Variants in MPP2 observed in about 807,000 individuals in gnomAD.
MPP2 encodes MAGUK p55 subfamily member 2.
MPP2 carries 42 observed loss-of-function variants against 58.5 expected under a neutral mutation model. The ratio of observed to expected loss-of-function variants is 0.72; its 90% CI spans 0.56 to 0.93. The LOEUF (loss-of-function observed/expected upper bound fraction) is 0.93, where lower values mean the gene tolerates loss of function less well. Among genes scored for constraint, MPP2 ranks in the 40% least tolerant of loss-of-function variants. The pLI is 0.00. For missense variants in MPP2, 632 were observed against 760.4 expected (o/e 0.83, Z 1.99); for synonymous variants, 300 against 307.8 (o/e 0.97, Z 0.26).
chr17:43,886,423 T>G (rs944355438), intron 3 of MPP2, among the ~76,000 whole-genome samples: 1 of 152,118 alleles, frequency 6.6e-6, no homozygotes, highest in African/African-American at 2.4e-5. Context: ...CTTATTATTT[T>G]AATTACTGCA....
At chr17:43,887,894 A>C (rs373572889) in intron 3 of MPP2, among the ~76,000 whole-genome samples, 57 of 152,312 alleles carry the variant, frequency 3.7e-4, no homozygotes, top group African/African-American at 1.3e-3. Flanking sequence ...ATACACAATG[A>C]AACACTTGCA....
intron 6 of MPP2, 22 bp from the exon 7 acceptor site, chr17:43,881,611 G>A (rs958460876): frequency 6.2e-7 from 1 of 1,611,180 alleles, no homozygotes; most frequent in African/African-American, 1.3e-5. Flanking sequence ...AATCAGCAAA[G>A]GGTCGGGGGA....
intron 1 of MPP2, 116 bp downstream of exon 1, chr17:43,907,344 GGAACGGGCCTGGGT>G (rs1567909829): frequency 1.0e-6 from 1 of 985,594 alleles, no homozygotes; most frequent in Admixed American, 6.1e-5. Context: ...GGACAGGGAG[GGAACGGGCCTGGGT>G]GAAAGGGGCC....
chr17:43,883,829 G>A (rs369938936), intron 3 of MPP2, among the ~76,000 whole-genome samples: 4 of 152,128 alleles, frequency 2.6e-5, no homozygotes, highest in South Asian at 2.1e-4. Flanking sequence ...TGTTCCCAGC[G>A]AATGAGGGGA....
At chr17:43,907,943 T>A (rs1303667100), upstream of MPP2, 2 of 985,170 alleles carry the variant, frequency 2.0e-6, no homozygotes, top group African/African-American at 3.5e-5. Flanking sequence ...AGAAAAAGAA[T>A]AGGAGGACTT....
In MPP2 at chr17:43,877,729, G is replaced by C. The variant is rs2046906390; in HGVS notation, c.*78C>G. The C allele has an allele frequency of 7.9e-7, 1 of 1,258,008 alleles. No individual in the cohort carries two copies. The highest frequency in any genetic ancestry group is 1.1e-6 in the Non-Finnish European group (1 of 878,924). The allele number at this position is 1,258,008 out of a possible 1,614,324, so 77.9% of individuals were successfully genotyped here. A position where few individuals can be genotyped will look rare whatever the true frequency, so the allele number is the denominator to read the frequency against. On this transcript the variant is annotated 3_prime_UTR_variant, in exon 13 of 13. Transcript: ENST00000269095. ...ATATGGGGGCTAAGGATTGTGGCAG[G>C]GGGTCACAGGTCAGGAGGGGGATGG...
At chr17:43,884,235 T>A (rs1007135036) in intron 3 of MPP2, 15 of 638,544 alleles carry the variant, frequency 2.3e-5, no homozygotes, top group Non-Finnish European at 3.6e-5. Context: ...GTCCCAAAAG[T>A]ATCCTTTATA....
intron 3 of MPP2, among the ~76,000 whole-genome samples, chr17:43,884,773 G>T (rs1345540353): frequency 2.1e-5 from 3 of 144,752 alleles, no homozygotes; most frequent in African/African-American, 7.8e-5. Flanking sequence ...TTGCAAAATA[G>T]TGATTACCTA....
At chr17:43,893,272 C>A (rs976296646) in intron 3 of MPP2, among the ~76,000 whole-genome samples, 1 of 152,178 alleles carries the variant, frequency 6.6e-6, no homozygotes, top group Non-Finnish European at 1.5e-5. Flanking sequence ...CTCATAAACC[C>A]AACTCTGAAA....
intron 2 of MPP2, chr17:43,900,509 G>T (rs149791694): frequency 6.5e-7 from 1 of 1,549,446 alleles, no homozygotes; most frequent in East Asian, 2.4e-5. Flanking sequence ...AGACTCCAGG[G>T]ATATACCCTC....
intron 3 of MPP2, among the ~76,000 whole-genome samples, chr17:43,885,090 C>A (rs1405866228): frequency 1.3e-5 from 2 of 150,294 alleles, no homozygotes; most frequent in Non-Finnish European, 3.0e-5. Flanking sequence ...CCATTGCACT[C>A]CAGCCTGGGC....
chr17:43,898,875 G>A (rs1457333020), intron 2 of MPP2, among the ~76,000 whole-genome samples: 6 of 152,024 alleles, frequency 3.9e-5, no homozygotes, highest in African/African-American at 1.2e-4. Flanking sequence ...TGAGGCAGGA[G>A]AACTGCTTGA....
In MPP2 at chr17:43,875,489, T is replaced by C. The variant is rs947125520; in HGVS notation, c.*2318A>G. On this transcript the variant is annotated 3_prime_UTR_variant, in exon 13 of 13. Coordinates refer to ENST00000269095, the MANE Select transcript of MPP2 (RefSeq NM_005374.5). ...GGGACTGAATATGGACAGTGGATGGTAGGGTCCTCACTCTCTTGAGGTCCC... is the reference window on the plus strand; with the variant it reads ...GGGACTGAATATGGACAGTGGATGGCAGGGTCCTCACTCTCTTGAGGTCCC... 3 of 152,234 alleles carry C rather than the reference T, an allele frequency of 2.0e-5. No individual in the cohort carries two copies. Among genetic ancestry groups the C allele is most frequent in the African/African-American group, 7.2e-5 (3 of 41,438 alleles). 9.4% of individuals were successfully genotyped at this position (152,234 alleles called of 1,614,324 possible).
Position 43,907,491 on chromosome 17 carries a change from C to T in MPP2, c.-51G>A, listed in dbSNP as rs1454157775. On this transcript the variant is annotated 5_prime_UTR_variant, in exon 1 of 13. Transcript: ENST00000269095. ...ACGCCTACCTGCGCCCCGGGAAGCCCCTAGCTCCGGGCGGCTCCAGCGCAG... is the reference window on the plus strand; with the variant it reads ...ACGCCTACCTGCGCCCCGGGAAGCCTCTAGCTCCGGGCGGCTCCAGCGCAG... 1.0e-6 allele frequency: 1 copy of T among 985,406 alleles called. No individual in the cohort carries two copies. Among genetic ancestry groups the T allele is most frequent in the Non-Finnish European group, 1.2e-6 (1 of 829,986 alleles). The allele number at this position is 985,406 out of a possible 1,614,324, so 61.0% of individuals were successfully genotyped here. A position where few individuals can be genotyped will look rare whatever the true frequency, so the allele number is the denominator to read the frequency against.
upstream of MPP2, among the ~76,000 whole-genome samples, chr17:43,909,191 C>T (rs1290892474): frequency 6.6e-6 from 1 of 152,060 alleles, no homozygotes; most frequent in Non-Finnish European, 1.5e-5. Flanking sequence ...CTCAGCTTCC[C>T]GAGTAGCTGG....
At chr17:43,897,313 C>T (rs1332125217) in intron 3 of MPP2, among the ~76,000 whole-genome samples, 1 of 152,178 alleles carries the variant, frequency 6.6e-6, no homozygotes, top group African/African-American at 2.4e-5. Context: ...GAAACCCCAT[C>T]TCTACTAAAA....
intron 3 of MPP2, among the ~76,000 whole-genome samples, chr17:43,892,724 A>G (rs770479493): frequency 6.6e-6 from 1 of 152,168 alleles, no homozygotes; most frequent in Non-Finnish European, 1.5e-5. Flanking sequence ...CCGGAACCAT[A>G]CCAGGAATTT....
upstream of MPP2, chr17:43,907,635 G>A: frequency 1.0e-6 from 1 of 985,652 alleles, no homozygotes; most frequent in African/African-American, 1.7e-5. Context: ...GCGGAGGCCG[G>A]CACAACTCGG....
intron 2 of MPP2, 37 bp from the exon 3 acceptor site, chr17:43,898,417 C>G (rs761857055): frequency 4.1e-6 from 6 of 1,478,434 alleles, no homozygotes; most frequent in Non-Finnish European, 5.7e-6. Context: ...ACACAGGTAC[C>G]AGCTGGGTAC....
Sources: gnomAD v4.1 joint callset for allele counts (sites outside exome capture counted in the v4.1 genomes callset) on GRCh38, gnomAD v4.1.1 for gene constraint, MANE v1.5 for transcripts, NCBI Gene and HGNC (gene_info 2026-07-23, HGNC 2026-07-21) for gene names.